The following CNTNAP5 variants were observed in gnomAD, a reference collection of about 807,000 sequenced individuals.
CNTNAP5 encodes contactin-associated protein-like 5.
A neutral mutation model predicts 150.2 loss-of-function variants in CNTNAP5; 72 were observed. That is an observed-to-expected ratio of 0.48 (90% confidence interval 0.40 to 0.58). The LOEUF is 0.58. CNTNAP5 is among the 20% of genes least tolerant of loss of function. CNTNAP5 has a pLI of 0.00. For missense variants in CNTNAP5, 1,636 were observed against 1,626.2 expected, an observed-to-expected ratio of 1.01 and a Z score of -0.10; for synonymous variants, 672 against 619.8, an observed-to-expected ratio of 1.08 and a Z score of -1.25.
At chr2:124,121,792 T>C (rs553091380) in intron 1 of CNTNAP5, among the ~76,000 whole-genome samples, 1 of 152,162 alleles carries the variant, frequency 6.6e-6, no homozygotes, top group African/African-American at 2.4e-5. Flanking sequence ...CCCACATTGA[T>C]CTTTCCCTTA....
chr2:124,796,261 C>A (rs1681843882), intron 18 of CNTNAP5, among the ~76,000 whole-genome samples: 2 of 152,106 alleles, frequency 1.3e-5, no homozygotes, highest in South Asian at 4.1e-4. Context: ...AAGTAATATC[C>A]TGTATATGCC....
chr2:124,416,065 A>T (rs772185739), intron 3 of CNTNAP5, among the ~76,000 whole-genome samples: 46 of 151,970 alleles, frequency 3.0e-4, no homozygotes, highest in Non-Finnish European at 5.1e-4. Context: ...CTCTAATATG[A>T]GTTGTAATCT....
chr2:124,474,912 G>A, intron 7 of CNTNAP5, 30 bp downstream of exon 7: 2 of 1,574,588 alleles, frequency 1.3e-6, no homozygotes, highest in Non-Finnish European at 1.7e-6. Context: ...TTGTCTTGAT[G>A]GTTTCTACCA....
At chr2:124,362,902 A>G (rs1690257061) in intron 3 of CNTNAP5, among the ~76,000 whole-genome samples, 1 of 152,306 alleles carries the variant, frequency 6.6e-6, no homozygotes, top group Non-Finnish European at 1.5e-5. Context: ...TAAATATTCA[A>G]TTACTGCTCA....
At chr2:124,430,129 T>C (rs1229467349) in intron 4 of CNTNAP5, among the ~76,000 whole-genome samples, 1 of 151,870 alleles carries the variant, frequency 6.6e-6, no homozygotes, top group East Asian at 1.9e-4. Context: ...CTAACAGGGA[T>C]GGAGGACCCC....
At chr2:124,895,444 G>A (rs1024193669) in intron 21 of CNTNAP5, among the ~76,000 whole-genome samples, 1 of 151,506 alleles carries the variant, frequency 6.6e-6, no homozygotes, top group Non-Finnish European at 1.5e-5. Flanking sequence ...TGGCAACATA[G>A]TGAGACCCTT....
At chr2:124,845,998 A>G (rs534491782) in intron 19 of CNTNAP5, among the ~76,000 whole-genome samples, 2 of 148,778 alleles carry the variant, frequency 1.3e-5, no homozygotes, top group Admixed American at 6.6e-5. Flanking sequence ...TGTTGTTTCA[A>G]TTTCATTCAG....
At chr2:124,124,804 A>C (rs1683647281) in intron 1 of CNTNAP5, among the ~76,000 whole-genome samples, 2 of 152,244 alleles carry the variant, frequency 1.3e-5, no homozygotes, top group Admixed American at 1.3e-4. Context: ...TTTCATATCC[A>C]GCCAAACTAA....
At chr2:124,108,172 T>TAG (rs1683209381) in intron 1 of CNTNAP5, among the ~76,000 whole-genome samples, 1 of 152,174 alleles carries the variant, frequency 6.6e-6, no homozygotes, top group Admixed American at 6.5e-5. Flanking sequence ...ACAAAAGTAT[T>TAG]TTAGGGTAAA....
chr2:124,242,307 A>C lies in CNTNAP5; in HGVS notation c.295A>C (p.Ser99Arg). The change falls in exon 3 of 24, where the codon AGC becomes CGC. Residue 99 changes from serine (S) to arginine (R), a missense_variant. Physicochemically the swap from Ser to Arg is moderately radical, Grantham distance 110. Coordinates refer to ENST00000682447, the MANE Select transcript of CNTNAP5 (RefSeq NM_001367498.1). ...AGTGGCCACGCAGGGAAGATACGGAAGCTCTGACTGGGTGACGAGTTACAG... is the reference window on the plus strand; with the variant it reads ...AGTGGCCACGCAGGGAAGATACGGACGCTCTGACTGGGTGACGAGTTACAG... ...TAVATQGRYG[S>R]SDWVTSYSLM... 6.2e-7 allele frequency: 1 copy of C among 1,613,144 alleles called. No homozygotes were observed.
chr2:124,889,772 T>C (rs1678155780), intron 21 of CNTNAP5, among the ~76,000 whole-genome samples: 1 of 152,122 alleles, frequency 6.6e-6, no homozygotes, highest in Admixed American at 6.6e-5. Flanking sequence ...TTATTTCAGA[T>C]AAGGTTTGTC....
intron 22 of CNTNAP5, among the ~76,000 whole-genome samples, chr2:124,905,462 A>C (rs1007699309): frequency 1.3e-5 from 2 of 152,084 alleles, no homozygotes; most frequent in South Asian, 2.1e-4. Flanking sequence ...AGTAGAAAAA[A>C]CCCACAGCAC....
chr2:124,851,671 A>C (rs1683159478), intron 19 of CNTNAP5, among the ~76,000 whole-genome samples: 1 of 152,172 alleles, frequency 6.6e-6, no homozygotes, highest in Non-Finnish European at 1.5e-5. Flanking sequence ...AGATGGAGAC[A>C]AGATTATTAG....
intron 1 of CNTNAP5, among the ~76,000 whole-genome samples, chr2:124,085,211 C>T (rs1573742738): frequency 6.6e-6 from 1 of 152,090 alleles, no homozygotes; most frequent in Admixed American, 6.6e-5. Flanking sequence ...TGAGCCACCA[C>T]GTCTGGCCGA....
chr2:124,878,205 T>C (rs1282884112), intron 21 of CNTNAP5, among the ~76,000 whole-genome samples: 2 of 152,098 alleles, frequency 1.3e-5, no homozygotes, highest in African/African-American at 4.8e-5. Flanking sequence ...GAGTCTTTAA[T>C]CATGGAGAGA....
chr2:124,440,293 G>A (rs1198126991), intron 5 of CNTNAP5, among the ~76,000 whole-genome samples: 4 of 152,242 alleles, frequency 2.6e-5, no homozygotes, highest in East Asian at 3.9e-4. Context: ...GGGAATTCAC[G>A]TGACTAGCCA....
intron 19 of CNTNAP5, among the ~76,000 whole-genome samples, chr2:124,842,777 T>C (rs1193970203): frequency 1.3e-5 from 2 of 152,126 alleles, no homozygotes; most frequent in Non-Finnish European, 2.9e-5. Flanking sequence ...AAGGTTGTTT[T>C]TGAATAAGAA....
In CNTNAP5 at chr2:124,568,783, C is replaced by T. The variant is rs148244570; in HGVS notation, c.1756+5460C>T. Among the ~76,000 whole-genome samples, 10 of 152,270 alleles carry T rather than the reference C, an allele frequency of 6.6e-5. 1 individual carries two copies. Among genetic ancestry groups the T allele is most frequent in the South Asian group, 2.1e-4 (1 of 4,828 alleles). On this transcript the variant is annotated intron_variant, in intron 11 of 23. Coordinates refer to ENST00000682447, the MANE Select transcript of CNTNAP5 (RefSeq NM_001367498.1). ...TTTTCTGGCCGGGCGCGGTGGCTCA[C>T]GCCTGTAATCCCAGCCCTTTGGGAG...
chr2:124,123,475 G>A (rs1468880686), intron 1 of CNTNAP5, among the ~76,000 whole-genome samples: 1 of 152,146 alleles, frequency 6.6e-6, no homozygotes, highest in Non-Finnish European at 1.5e-5. Flanking sequence ...CCACCTCTGG[G>A]GACAGGGCAT....
Sources: allele counts gnomAD v4.1 joint callset (sites outside exome capture counted in the v4.1 genomes callset), GRCh38; gene constraint gnomAD v4.1.1; transcripts MANE v1.5; gene names NCBI Gene and HGNC (gene_info 2026-07-23, HGNC 2026-07-21).